The following GABRG3 variants were observed in gnomAD, a reference collection of about 807,000 sequenced individuals.
GABRG3 encodes gamma-aminobutyric acid type A receptor subunit gamma3, also known as gamma-aminobutyric acid receptor subunit gamma-3.
Under a neutral mutation model 48.8 loss-of-function variants are expected in GABRG3, and 25 were observed. That is an observed-to-expected ratio of 0.51 (90% CI 0.37 to 0.72). GABRG3 has a LOEUF of 0.72. Among genes scored for constraint, GABRG3 ranks in the 30% least tolerant of loss-of-function variants. The pLI, the probability that GABRG3 is intolerant of heterozygous loss-of-function variation, is 0.00. For missense variants in GABRG3, 394 were observed against 577.9 expected, an observed-to-expected ratio of 0.68 and a Z score of 3.26; for synonymous variants, 227 against 217.6, an observed-to-expected ratio of 1.04 and a Z score of -0.38.
At chr15:27,205,234 A>C (rs1207205933) in intron 3 of GABRG3, among the ~76,000 whole-genome samples, 1 of 152,088 alleles carries the variant, frequency 6.6e-6, no homozygotes, top group African/African-American at 2.4e-5. Context: ...TGTTCCTTCA[A>C]TGCCTAGTTT....
chr15:27,041,169 T>C (rs1205824269), intron 3 of GABRG3, among the ~76,000 whole-genome samples: 1 of 152,160 alleles, frequency 6.6e-6, no homozygotes, highest in Non-Finnish European at 1.5e-5. Flanking sequence ...TCTTGTTTAG[T>C]TTATGTGTGC....
At chr15:27,462,781 G>T (rs184486853) in intron 5 of GABRG3, among the ~76,000 whole-genome samples, 1 of 152,088 alleles carries the variant, frequency 6.6e-6, no homozygotes, top group Admixed American at 6.5e-5. Flanking sequence ...TCCCAAAACT[G>T]GCATACTATA....
rs997309996 is a variant in GABRG3, at chr15:27,384,495, G to A, written c.574+55607G>A. 2.6e-5 allele frequency among the ~76,000 whole-genome samples: 4 copies of A among 151,910 alleles called. No homozygotes were observed. In the South Asian group the frequency reaches 6.2e-4, roughly 24 times the overall value. On this transcript the variant is annotated intron_variant, in intron 5 of 9. Transcript: ENST00000615808. ...TGCAAGTAAAAAGTGAAATACACAC[G>A]CACACACACACAAGTGCTTGATAAA...
chr15:27,080,945 GGGT>G (rs1230604800), intron 3 of GABRG3, among the ~76,000 whole-genome samples: 1 of 152,168 alleles, frequency 6.6e-6, no homozygotes, highest in East Asian at 1.9e-4. Flanking sequence ...CTGCTGGTGG[GGGT>G]GGTGGTGGGG....
chr15:27,347,894 G>C (rs147094461), intron 5 of GABRG3, among the ~76,000 whole-genome samples: 2,186 of 152,126 alleles, frequency 0.014, 62 homozygotes, highest in African/African-American at 0.05. Flanking sequence ...TTTCAGGGGG[G>C]GTTTCCCTGT....
At chr15:27,433,647 T>C (rs923190485) in intron 5 of GABRG3, among the ~76,000 whole-genome samples, 6 of 152,190 alleles carry the variant, frequency 3.9e-5, no homozygotes, top group African/African-American at 1.2e-4. Context: ...ACAGATGCCA[T>C]GTAGCCCTCC....
intron 5 of GABRG3, among the ~76,000 whole-genome samples, chr15:27,336,509 T>TA (rs924173321): frequency 6.6e-6 from 1 of 152,008 alleles, no homozygotes; most frequent in East Asian, 1.9e-4. Context: ...ATGGCTAAAA[T>TA]AAAAAAATAG....
chr15:27,463,602 A>C (rs555448941), intron 5 of GABRG3, among the ~76,000 whole-genome samples: 81 of 152,266 alleles, frequency 5.3e-4, no homozygotes, highest in African/African-American at 1.8e-3. Context: ...CTGTGTGACC[A>C]GCCCTGCCCC....
chr15:27,380,457 T>C (rs930373246), intron 5 of GABRG3, among the ~76,000 whole-genome samples: 9 of 151,880 alleles, frequency 5.9e-5, no homozygotes, highest in African/African-American at 1.9e-4. Flanking sequence ...TGCCTTATAA[T>C]TTTTTTTATT....
At chr15:26,978,162 A>C (rs190067886) in intron 2 of GABRG3, among the ~76,000 whole-genome samples, 8 of 151,852 alleles carry the variant, frequency 5.3e-5, no homozygotes, top group African/African-American at 1.9e-4. Context: ...TTGTCCCTTC[A>C]TGTTATTTGC....
At chr15:27,339,104 C>T (rs118069631) in intron 5 of GABRG3, among the ~76,000 whole-genome samples, 3,475 of 152,208 alleles carry the variant, frequency 0.023, 53 homozygotes, top group African/African-American at 0.027. Context: ...CTAGGAGGGT[C>T]CTGTCTCCTA....
intron 5 of GABRG3, among the ~76,000 whole-genome samples, chr15:27,353,428 A>T (rs113267062): frequency 7.1e-4 from 104 of 146,868 alleles, no homozygotes; most frequent in African/African-American, 2.6e-3. Context: ...CTTTCTTTCT[A>T]TTTATTTATT....
chr15:27,342,093 C>T (rs537180076), intron 5 of GABRG3, among the ~76,000 whole-genome samples: 1 of 152,292 alleles, frequency 6.6e-6, no homozygotes, highest in African/African-American at 2.4e-5. Context: ...CCTGCCACTG[C>T]CACGTCATCG....
Position 27,388,304 on chromosome 15 carries a change from G to A in GABRG3, c.574+59416G>A, listed in dbSNP as rs185747464. On this transcript the variant is annotated intron_variant, in intron 5 of 9. Transcript: ENST00000615808. ...GGAAGGAAGGAAGAAAAGAAGGAAG[G>A]AAAGGGAGGGAGGGAAAAGAAGGAA... Among the ~76,000 whole-genome samples, 17 of 38,920 alleles carry A rather than the reference G, an allele frequency of 4.4e-4. 5 individuals are homozygous for A. The East Asian group carries it at 0.021, about 48-fold the overall frequency. The allele number at this position is 38,920 out of a possible 152,430, so 25.5% of individuals were successfully genotyped here.
At chr15:27,063,049 G>A (rs1416799761) in intron 3 of GABRG3, among the ~76,000 whole-genome samples, 1 of 152,210 alleles carries the variant, frequency 6.6e-6, no homozygotes, top group Non-Finnish European at 1.5e-5. Context: ...CAGGTGACGC[G>A]TGATGCGTTT....
At chr15:27,508,702 TTTG>T (rs1279464484) in intron 6 of GABRG3, among the ~76,000 whole-genome samples, 1 of 151,880 alleles carries the variant, frequency 6.6e-6, no homozygotes, top group Non-Finnish European at 1.5e-5. Context: ...TTGTTTTGTT[TTTG>T]TTGTTGTTGC....
At chr15:27,389,301 T>C (rs1463231261) in intron 5 of GABRG3, among the ~76,000 whole-genome samples, 1 of 152,196 alleles carries the variant, frequency 6.6e-6, no homozygotes, top group Non-Finnish European at 1.5e-5. Flanking sequence ...CAGTGGTAAG[T>C]GTGTGTGGAA....
chr15:27,417,755 C>T (rs566482154), intron 5 of GABRG3, among the ~76,000 whole-genome samples: 1 of 152,270 alleles, frequency 6.6e-6, no homozygotes, highest in South Asian at 2.1e-4. Flanking sequence ...TCTTCTCGTG[C>T]GAGGACTGGG....
chr15:27,396,013 A>G (rs1887286902), intron 5 of GABRG3, among the ~76,000 whole-genome samples: 1 of 152,028 alleles, frequency 6.6e-6, no homozygotes, highest in Admixed American at 6.6e-5. Flanking sequence ...AGTGCACATC[A>G]CCATGCCTGG....
Sources: gnomAD v4.1 joint callset for allele counts (sites outside exome capture counted in the v4.1 genomes callset) on GRCh38, gnomAD v4.1.1 for gene constraint, MANE v1.5 for transcripts, NCBI Gene and HGNC (gene_info 2026-07-23, HGNC 2026-07-21) for gene names.